BCAR3: variants seen among roughly 807,000 people sequenced by gnomAD.
BCAR3 encodes the protein breast cancer anti-estrogen resistance protein 3.
A neutral mutation model predicts 80.1 loss-of-function variants in BCAR3; 37 were observed. The ratio of observed to expected loss-of-function variants is 0.46; its 90% CI spans 0.36 to 0.61. BCAR3 has a LOEUF of 0.61. Among genes scored for constraint, BCAR3 ranks in the 20% least tolerant of loss-of-function variants. The pLI, the probability that BCAR3 is intolerant of heterozygous loss-of-function variation, is 0.00. For synonymous variants in BCAR3, 389 were observed against 418.9 expected (o/e 0.93, Z 0.87); for missense variants, 978 against 1,068.2 (o/e 0.92, Z 1.18).
intron 3 of BCAR3, among the ~76,000 whole-genome samples, chr1:93,700,295 C>T (rs575882213): frequency 6.6e-6 from 1 of 152,070 alleles, no homozygotes; most frequent in Non-Finnish European, 1.5e-5. Context: ...TGAGCTCAAG[C>T]CATCCTCCCA....
chr1:93,572,849 A>G (rs1224603810), intron 8 of BCAR3, among the ~76,000 whole-genome samples: 1 of 152,200 alleles, frequency 6.6e-6, no homozygotes, highest in Non-Finnish European at 1.5e-5. Context: ...CTCCGTGCCC[A>G]GGTGTGTTGG....
intron 2 of BCAR3, among the ~76,000 whole-genome samples, chr1:93,822,357 G>A (rs1358925016): frequency 8.4e-6 from 1 of 119,284 alleles, no homozygotes; most frequent in Non-Finnish European, 1.7e-5. Context: ...TTTTTTTTTT[G>A]AGACGGAGTT....
chr1:93,837,257 CCTGT>C (rs1262610913), intron 2 of BCAR3, among the ~76,000 whole-genome samples: 2 of 152,036 alleles, frequency 1.3e-5, no homozygotes, highest in African/African-American at 2.4e-5. Context: ...AATAAATTAC[CCTGT>C]CTGAGGTATG....
At chr1:93,657,922 C>T (rs1647465783) in intron 2 of BCAR3, among the ~76,000 whole-genome samples, 1 of 151,176 alleles carries the variant, frequency 6.6e-6, no homozygotes, top group Non-Finnish European at 1.5e-5. Flanking sequence ...CAGTCAGAAA[C>T]AAGACAGCAT....
At chr1:93,679,338 G>C (rs1648644997) in intron 1 of BCAR3, among the ~76,000 whole-genome samples, 1 of 152,150 alleles carries the variant, frequency 6.6e-6, no homozygotes, top group Admixed American at 6.5e-5. Context: ...GTAACTCTGA[G>C]AGTTCACAAA....
intron 2 of BCAR3, among the ~76,000 whole-genome samples, chr1:93,779,137 G>A (rs1268150186): frequency 2.0e-5 from 3 of 152,208 alleles, no homozygotes; most frequent in African/African-American, 7.2e-5. Context: ...GAGAAGCGCC[G>A]ATGCTGAGTT....
At chr1:93,580,845 T>C (rs1413878266) in intron 7 of BCAR3, among the ~76,000 whole-genome samples, 4 of 152,134 alleles carry the variant, frequency 2.6e-5, no homozygotes, top group African/African-American at 9.7e-5. Context: ...CACTTACATC[T>C]AAAATAAACG....
chr1:93,646,910 C>G (rs1676162186), intron 2 of BCAR3, among the ~76,000 whole-genome samples: 1 of 152,044 alleles, frequency 6.6e-6, no homozygotes, highest in African/African-American at 2.4e-5. Flanking sequence ...TGTTAATAGT[C>G]TAGGTAAACT....
chr1:93,670,379 C>A (rs573646772), intron 2 of BCAR3, among the ~76,000 whole-genome samples: 21 of 152,266 alleles, frequency 1.4e-4, no homozygotes, highest in Non-Finnish European at 2.5e-4. Context: ...CTCCCCCTTC[C>A]AGGCCTGCCT....
At chr1:93,682,250 G>A (rs1178587541), upstream of BCAR3, among the ~76,000 whole-genome samples, 1 of 152,204 alleles carries the variant, frequency 6.6e-6, no homozygotes, top group African/African-American at 2.4e-5. Context: ...TCGTATGGAC[G>A]TATTGAAAGC....
chr1:93,650,009 C>T (rs1297059828), intron 2 of BCAR3, among the ~76,000 whole-genome samples: 1 of 150,316 alleles, frequency 6.7e-6, no homozygotes, highest in African/African-American at 2.5e-5. Context: ...ATCCCTTAAA[C>T]GAGAACTCTG....
At chr1:93,749,894 T>A (rs1443831820) in intron 2 of BCAR3, among the ~76,000 whole-genome samples, 4 of 151,842 alleles carry the variant, frequency 2.6e-5, no homozygotes, top group South Asian at 2.1e-4. Context: ...GACTTATTTT[T>A]TTTTTTTTTT....
chr1:93,844,423 C>T (rs1436622658), intron 2 of BCAR3, among the ~76,000 whole-genome samples: 1 of 152,200 alleles, frequency 6.6e-6, no homozygotes, highest in Non-Finnish European at 1.5e-5. Flanking sequence ...GTGGTTATAA[C>T]CCATGCTTTG....
intron 3 of BCAR3, among the ~76,000 whole-genome samples, chr1:93,609,265 C>T (rs564530763): frequency 3.5e-4 from 53 of 152,264 alleles, no homozygotes; most frequent in African/African-American, 1.1e-3. Flanking sequence ...CAAAGACAGT[C>T]GAATATAAGT....
intron 2 of BCAR3, among the ~76,000 whole-genome samples, chr1:93,741,240 T>C (rs942007743): frequency 1.3e-5 from 2 of 152,218 alleles, no homozygotes; most frequent in African/African-American, 2.4e-5. Context: ...ACTTTTATAC[T>C]GGCTTGCAAC....
intron 2 of BCAR3, among the ~76,000 whole-genome samples, chr1:93,840,411 T>C (rs1373064067): frequency 2.6e-5 from 4 of 152,210 alleles, no homozygotes; most frequent in Admixed American, 1.3e-4. Flanking sequence ...GAAAAGTGCC[T>C]GGTGTGATGC....
intron 2 of BCAR3, among the ~76,000 whole-genome samples, chr1:93,778,883 C>G (rs530521565): frequency 2.4e-4 from 37 of 152,272 alleles, no homozygotes; most frequent in African/African-American, 8.4e-4. Flanking sequence ...ATTATCAATT[C>G]CCTCACAATA....
At chr1:93,842,108 C>G (rs1654983600) in intron 2 of BCAR3, among the ~76,000 whole-genome samples, 1 of 150,778 alleles carries the variant, frequency 6.6e-6, no homozygotes, top group Non-Finnish European at 1.5e-5. Context: ...ACTTAAAGAC[C>G]TTTTTATTTT....
chr1:93,661,342 A>T (rs754426091), intron 2 of BCAR3, among the ~76,000 whole-genome samples: 2 of 151,754 alleles, frequency 1.3e-5, no homozygotes, highest in Non-Finnish European at 2.9e-5. Flanking sequence ...CCCGGCCTAC[A>T]AATTTTTGTA....
Sources: gnomAD v4.1 joint callset for allele counts (sites outside exome capture counted in the v4.1 genomes callset) on GRCh38, gnomAD v4.1.1 for gene constraint, MANE v1.5 for transcripts, NCBI Gene and HGNC (gene_info 2026-07-23, HGNC 2026-07-21) for gene names.